The following STRBP variants were observed in gnomAD, a reference collection of about 807,000 sequenced individuals.
The protein encoded by STRBP is spermatid perinuclear RNA-binding protein.
In STRBP, 13 loss-of-function variants were observed where a neutral mutation model predicts 80.1. The observed-to-expected ratio is 0.16, with a 90% confidence interval of 0.11 to 0.26. STRBP has a LOEUF of 0.26. Among genes scored for constraint, STRBP ranks in the 10% least tolerant of loss-of-function variants. The probability of loss-of-function intolerance (pLI) is 1.00; values close to 1 mark genes in which losing one functional copy is unlikely to be tolerated. For synonymous variants in STRBP, 284 were observed against 291.2 expected (o/e 0.98, Z 0.25); for missense variants, 485 against 815.2 (o/e 0.59, Z 4.93).
intron 11 of STRBP, among the ~76,000 whole-genome samples, chr9:123,153,549 G>A (rs1322127481): frequency 6.6e-6 from 1 of 152,144 alleles, no homozygotes; most frequent in East Asian, 1.9e-4. Context: ...GAATGAAAGA[G>A]GGGATTCAAG....
intron 1 of STRBP, among the ~76,000 whole-genome samples, chr9:123,245,257 C>T (rs1026358842): frequency 3.9e-5 from 6 of 152,172 alleles, no homozygotes; most frequent in African/African-American, 1.2e-4. Flanking sequence ...TTTCCCAGAG[C>T]GGGAGTTCTA....
intron 1 of STRBP, among the ~76,000 whole-genome samples, chr9:123,248,529 C>G (rs1411564418): frequency 6.6e-6 from 1 of 152,050 alleles, no homozygotes; most frequent in African/African-American, 2.4e-5. Flanking sequence ...CTCAGCCTCC[C>G]AAAGTGCTGG....
At chr9:123,182,107 C>G (rs2038493097) in intron 3 of STRBP, among the ~76,000 whole-genome samples, 1 of 149,800 alleles carries the variant, frequency 6.7e-6, no homozygotes, top group South Asian at 2.1e-4. Context: ...CCCAGCTACT[C>G]AGGAGGCTGA....
At chr9:123,116,533 AAGGAAC>A (rs2035648232) in intron 2 of STRBP, among the ~76,000 whole-genome samples, 1 of 152,146 alleles carries the variant, frequency 6.6e-6, no homozygotes, top group Non-Finnish European at 1.5e-5. Flanking sequence ...CACACTAACA[AAGGAAC>A]AGAAAAAGAA....
At chr9:123,197,319 A>G (rs1057433081) in intron 2 of STRBP, among the ~76,000 whole-genome samples, 8 of 152,238 alleles carry the variant, frequency 5.3e-5, no homozygotes, top group Non-Finnish European at 1.0e-4. Context: ...CTAGTATTTG[A>G]TAACACAACA....
chr9:123,243,809 A>T (rs1005753411), intron 1 of STRBP, among the ~76,000 whole-genome samples: 1 of 152,250 alleles, frequency 6.6e-6, no homozygotes, highest in African/African-American at 2.4e-5. Flanking sequence ...AAAATAAAAA[A>T]TAATTCATTG....
chr9:123,267,859 C>T (rs2041307210), intron 1 of STRBP, among the ~76,000 whole-genome samples: 2 of 135,452 alleles, frequency 1.5e-5, no homozygotes, highest in Non-Finnish European at 3.1e-5. Flanking sequence ...CCCTCTTGAA[C>T]CCCACAATAT....
chr9:123,201,955 G>A (rs138147593), intron 2 of STRBP, among the ~76,000 whole-genome samples: 8 of 152,284 alleles, frequency 5.3e-5, no homozygotes, highest in Non-Finnish European at 1.2e-4. Flanking sequence ...CTTTAGAATT[G>A]TAATATCTTG....
intron 1 of STRBP, among the ~76,000 whole-genome samples, chr9:123,254,816 C>G (rs1230533486): frequency 6.6e-6 from 1 of 152,064 alleles, no homozygotes; most frequent in Non-Finnish European, 1.5e-5. Flanking sequence ...ACAAAAGGCT[C>G]TATAATGACA....
chr9:123,205,351 A>T (rs1374674898), intron 2 of STRBP, among the ~76,000 whole-genome samples: 1 of 152,248 alleles, frequency 6.6e-6, no homozygotes. Flanking sequence ...ATACCTTGGT[A>T]AACAAGCTTA....
chr9:123,143,204 C>T (rs2036665562), intron 13 of STRBP, among the ~76,000 whole-genome samples: 1 of 152,122 alleles, frequency 6.6e-6, no homozygotes, highest in Admixed American at 6.5e-5. Flanking sequence ...CACCTTCATC[C>T]CCTTCTAGCT....
intron 1 of STRBP, among the ~76,000 whole-genome samples, chr9:123,250,518 A>G (rs1295230710): frequency 2.0e-5 from 3 of 152,208 alleles, no homozygotes; most frequent in African/African-American, 7.2e-5. Context: ...ATAGTTAAAA[A>G]AAAAAGTTTT....
At chr9:123,197,841 AT>A (rs2039159079) in intron 2 of STRBP, among the ~76,000 whole-genome samples, 1 of 151,280 alleles carries the variant, frequency 6.6e-6, no homozygotes, top group African/African-American at 2.4e-5. Flanking sequence ...TGTCCCGCTA[AT>A]TTTTGTATTT....
intron 2 of STRBP, among the ~76,000 whole-genome samples, chr9:123,224,836 C>T (rs745745995): frequency 6.6e-6 from 1 of 152,124 alleles, no homozygotes; most frequent in African/African-American, 2.4e-5. Flanking sequence ...ATACACAGAA[C>T]CCATGACCCA....
chr9:123,140,884 C>T (rs1229605987), intron 13 of STRBP, among the ~76,000 whole-genome samples: 3 of 152,172 alleles, frequency 2.0e-5, no homozygotes, highest in African/African-American at 7.2e-5. Context: ...CCTTTTAATA[C>T]CTTCCTGATT....
intron 6 of STRBP, among the ~76,000 whole-genome samples, chr9:123,168,725 G>C (rs562820180): frequency 6.6e-6 from 1 of 152,298 alleles, no homozygotes; most frequent in Admixed American, 6.5e-5. Flanking sequence ...AAATTGTCAT[G>C]ACAGAGTAGC....
At chr9:123,160,540 C>G in intron 7 of STRBP, 78 bp from the exon 8 acceptor site, 1 of 1,063,306 alleles carries the variant, frequency 9.4e-7, no homozygotes, top group Non-Finnish European at 1.3e-6. Flanking sequence ...CAAGTGAATA[C>G]TAAGTAGCAA....
Position 123,160,349 on chromosome 9 carries a change from C to A in STRBP, c.723+18G>T. ...CTACAGCTTCCAAATTTGCTTTTAGCCATATTTAAGTACTTACCCATCCTT... is the reference window on the plus strand; with the variant it reads ...CTACAGCTTCCAAATTTGCTTTTAGACATATTTAAGTACTTACCCATCCTT... On this transcript the variant is annotated intron_variant, in intron 8 of 18. Transcript: ENST00000348403. 2 of 1,518,446 alleles carry A rather than the reference C, an allele frequency of 1.3e-6. No homozygotes were observed. The highest frequency in any genetic ancestry group is 1.3e-5 in the South Asian group (1 of 76,410). The allele number at this position is 1,518,446 out of a possible 1,614,324, so 94.1% of individuals were successfully genotyped here. A position where few individuals can be genotyped will look rare whatever the true frequency, so the allele number is the denominator to read the frequency against.
chr9:123,256,810 T>C (rs1208774779), intron 1 of STRBP, among the ~76,000 whole-genome samples: 3 of 151,718 alleles, frequency 2.0e-5, no homozygotes, highest in Admixed American at 1.3e-4. Flanking sequence ...CCTTCAGATA[T>C]GGAGGAAACC....
Sources: allele counts gnomAD v4.1 joint callset (sites outside exome capture counted in the v4.1 genomes callset), GRCh38; gene constraint gnomAD v4.1.1; transcripts MANE v1.5; gene names NCBI Gene and HGNC (gene_info 2026-07-23, HGNC 2026-07-21).